The following SORCS2 variants were observed in gnomAD, a reference collection of about 807,000 sequenced individuals.
SORCS2 encodes the protein VPS10 domain-containing receptor SorCS2.
A neutral mutation model predicts 141.6 loss-of-function variants in SORCS2; 100 were observed. That is an observed-to-expected ratio of 0.71 (90% CI 0.60 to 0.83). SORCS2 has a LOEUF of 0.83. Among genes scored for constraint, SORCS2 ranks in the 40% least tolerant of loss-of-function variants. The pLI is 0.00. For synonymous variants in SORCS2, 789 were observed against 676.9 expected (o/e 1.17, Z -2.57); for missense variants, 1,646 against 1,560.2 (o/e 1.05, Z -0.93).
chr4:7,631,346 A>G (rs1719880962), intron 3 of SORCS2, among the ~76,000 whole-genome samples: 1 of 151,506 alleles, frequency 6.6e-6, no homozygotes, highest in African/African-American at 2.4e-5. Context: ...TTGAAGAGCC[A>G]GAGAAGGGCA....
intron 2 of SORCS2, among the ~76,000 whole-genome samples, chr4:7,401,188 T>C (rs1206406864): frequency 1.3e-5 from 2 of 151,562 alleles, no homozygotes; most frequent in Non-Finnish European, 1.5e-5. Flanking sequence ...GATGGATGGA[T>C]GAATAGATGG....
At chr4:7,412,005 G>A (rs1174269746) in intron 2 of SORCS2, among the ~76,000 whole-genome samples, 1 of 152,206 alleles carries the variant, frequency 6.6e-6, no homozygotes, top group African/African-American at 2.4e-5. Flanking sequence ...ATGCTGCCAA[G>A]GTCTATCAAG....
intron 11 of SORCS2, among the ~76,000 whole-genome samples, chr4:7,691,421 G>T (rs572822341): frequency 6.6e-5 from 10 of 152,300 alleles, no homozygotes; most frequent in African/African-American, 2.2e-4. Flanking sequence ...GGGAGTGGCT[G>T]GAGGTGAAGC....
intron 3 of SORCS2, among the ~76,000 whole-genome samples, chr4:7,554,223 T>C (rs539886009): frequency 7.2e-5 from 11 of 152,288 alleles, no homozygotes; most frequent in Middle Eastern, 3.4e-3. Flanking sequence ...GCACCCACTT[T>C]CAAATACTCC....
intron 2 of SORCS2, among the ~76,000 whole-genome samples, chr4:7,485,743 C>A (rs190054538): frequency 6.6e-6 from 1 of 152,212 alleles, no homozygotes. Context: ...TGGCTAGATG[C>A]AGCTAGCAGG....
chr4:7,254,949 C>T (rs962821796), intron 1 of SORCS2, among the ~76,000 whole-genome samples: 1 of 152,092 alleles, frequency 6.6e-6, no homozygotes, highest in Admixed American at 6.6e-5. Flanking sequence ...GCTACATCTG[C>T]AGCCCAAGCA....
At chr4:7,396,759 C>T (rs190843730) in intron 2 of SORCS2, among the ~76,000 whole-genome samples, 4 of 152,286 alleles carry the variant, frequency 2.6e-5, no homozygotes, top group African/African-American at 9.6e-5. Context: ...ATTGTTTGGG[C>T]GTTTTTCTTT....
intron 4 of SORCS2, among the ~76,000 whole-genome samples, chr4:7,639,254 G>C (rs1392447037): frequency 1.3e-5 from 2 of 152,238 alleles, no homozygotes; most frequent in Non-Finnish European, 2.9e-5. Context: ...GAAGATCAAA[G>C]TGTCAGTGGA....
intron 1 of SORCS2, among the ~76,000 whole-genome samples, chr4:7,290,359 G>C (rs527292493): frequency 9.9e-5 from 15 of 152,280 alleles, no homozygotes; most frequent in Middle Eastern, 6.8e-3. Context: ...GTGTGTGACA[G>C]GAAGAAAAAC....
At chr4:7,344,412 C>A (rs1720535627) in intron 1 of SORCS2, among the ~76,000 whole-genome samples, 1 of 152,198 alleles carries the variant, frequency 6.6e-6, no homozygotes, top group African/African-American at 2.4e-5. Flanking sequence ...TCACTGCTGG[C>A]TGGAAGGGAG....
chr4:7,547,539 C>G (rs923838228), intron 3 of SORCS2, among the ~76,000 whole-genome samples: 6 of 152,250 alleles, frequency 3.9e-5, no homozygotes, highest in African/African-American at 9.6e-5. Context: ...CCTTTCCAGA[C>G]TGGGGCCTTG....
chr4:7,554,945 A>G (rs746061489), intron 3 of SORCS2, among the ~76,000 whole-genome samples: 2 of 152,182 alleles, frequency 1.3e-5, no homozygotes, highest in Non-Finnish European at 2.9e-5. Context: ...AGTCCAAGGC[A>G]TGGAGGCTCA....
intron 1 of SORCS2, among the ~76,000 whole-genome samples, chr4:7,242,097 G>T (rs796674176): frequency 5.9e-5 from 9 of 152,162 alleles, no homozygotes; most frequent in African/African-American, 2.2e-4. Context: ...CCTGGCTGCC[G>T]CACTGATTCG....
rs766940450 is a variant in SORCS2 at position 7,433,706 on chromosome 4, G to C, written c.548+37351G>C. Reference sequence around the variant, plus strand: ...TTGCACCCATTGCAGAAGCTGCCCTGGTTCTCCGCGTCCCACTCTGGGGAC... The same window carrying C: ...TTGCACCCATTGCAGAAGCTGCCCTCGTTCTCCGCGTCCCACTCTGGGGAC... On this transcript the variant is annotated intron_variant, in intron 2 of 26. Coordinates refer to ENST00000507866, the MANE Select transcript of SORCS2 (RefSeq NM_020777.3). The C allele has an allele frequency of 1.9e-6, 3 of 1,613,030 alleles. No homozygotes were observed. The South Asian group carries it at 3.3e-5, about 18-fold the overall frequency.
At chr4:7,436,007 G>A (rs1214928171) in intron 2 of SORCS2, among the ~76,000 whole-genome samples, 2 of 152,254 alleles carry the variant, frequency 1.3e-5, no homozygotes, top group Non-Finnish European at 2.9e-5. Flanking sequence ...AATTGCAACA[G>A]CCACACATGA....
intron 3 of SORCS2, among the ~76,000 whole-genome samples, chr4:7,539,505 A>T (rs1415128771): frequency 6.6e-6 from 1 of 152,136 alleles, no homozygotes; most frequent in Non-Finnish European, 1.5e-5. Flanking sequence ...TCTCCCACCC[A>T]TGTGTAGGGT....
At chr4:7,612,295 G>A (rs2108811583) in intron 3 of SORCS2, among the ~76,000 whole-genome samples, 1 of 152,284 alleles carries the variant, frequency 6.6e-6, no homozygotes, top group East Asian at 1.9e-4. Flanking sequence ...TGGGTCTGGG[G>A]GGAAGGAGAA....
At chr4:7,695,656 A>G (rs1280891473) in intron 11 of SORCS2, among the ~76,000 whole-genome samples, 5 of 43,316 alleles carry the variant, frequency 1.2e-4, no homozygotes, top group Non-Finnish European at 1.8e-4. Context: ...GGATGGATGG[A>G]TGGATGGATG....
intron 2 of SORCS2, among the ~76,000 whole-genome samples, chr4:7,466,278 G>A (rs563090543): frequency 6.6e-6 from 1 of 152,134 alleles, no homozygotes. Flanking sequence ...CCTCCTTGTG[G>A]CTCTGCCCTC....
Sources: gnomAD v4.1 joint callset for allele counts (sites outside exome capture counted in the v4.1 genomes callset) on GRCh38, gnomAD v4.1.1 for gene constraint, MANE v1.5 for transcripts, NCBI Gene and HGNC (gene_info 2026-07-23, HGNC 2026-07-21) for gene names.